IPO5: variants seen among roughly 807,000 people sequenced by gnomAD.
IPO5 encodes the protein importin 5, also known as importin-5.
IPO5 carries 18 observed loss-of-function variants against 143.3 expected under a neutral mutation model. The ratio of observed to expected loss-of-function variants is 0.13; its 90% confidence interval spans 0.09 to 0.19. IPO5 has a LOEUF of 0.19. IPO5 is among the 10% of genes least tolerant of loss of function. The pLI, the probability that IPO5 is intolerant of heterozygous loss-of-function variation, is 1.00. For synonymous variants in IPO5, 477 were observed against 465.7 expected (o/e 1.02, Z -0.31); for missense variants, 1,013 against 1,336.9 (o/e 0.76, Z 3.78).
rs370673853 is a variant in IPO5, at chr13:97,972,156, A to G, written c.-5+2326A>G. 3.2e-4 allele frequency among the ~76,000 whole-genome samples: 49 copies of G among 152,354 alleles called. No homozygotes were observed. In the East Asian group the frequency reaches 7.5e-3, roughly 23 times the overall value. On this transcript the variant is annotated intron_variant, in intron 3 of 28. Coordinates refer to ENST00000651721, the MANE Select transcript of IPO5 (RefSeq NM_002271.6). ...TACAACTACCAAGATAAGGAGTCAT[A>G]GAGACCCGAGACAACTTAAAACAAA... is the stretch of plus-strand genomic sequence containing the variant.
intron 2 of IPO5, among the ~76,000 whole-genome samples, chr13:97,961,758 A>AT (rs554865083): frequency 2.7e-4 from 41 of 152,152 alleles, no homozygotes; most frequent in African/African-American, 9.2e-4. Flanking sequence ...TGTTTTACCC[A>AT]TTTTTTTAAT....
At chr13:97,969,171 A>ATTTTTTTTTTTTTTTTTT (rs1566454683) in intron 2 of IPO5, among the ~76,000 whole-genome samples, 2 of 71,246 alleles carry the variant, frequency 2.8e-5, no homozygotes, top group African/African-American at 1.4e-4. Context: ...ATATATATAT[A>ATTTTTTTTTTTTTTTTTT]TATATTTTTT....
intron 25 of IPO5, among the ~76,000 whole-genome samples, chr13:98,017,974 C>T (rs1414378418): frequency 1.3e-5 from 2 of 151,902 alleles, no homozygotes; most frequent in Non-Finnish European, 2.9e-5. Flanking sequence ...GCTGTGTATT[C>T]GGTTTTTAAA....
chr13:98,006,396 A>G (rs747254890), intron 17 of IPO5, 48 bp downstream of exon 17: 3 of 803,940 alleles, frequency 3.7e-6, no homozygotes, highest in African/African-American at 4.7e-5. Flanking sequence ...TTTTTTTGAG[A>G]CAGAGTCTCG....
intron 13 of IPO5, 133 bp from the exon 14 acceptor site, chr13:98,002,334 T>C: frequency 1.3e-6 from 1 of 742,054 alleles, no homozygotes; most frequent in East Asian, 2.8e-5. Context: ...GTTTTTATAT[T>C]ATATATACAT....
intron 2 of IPO5, among the ~76,000 whole-genome samples, chr13:97,956,384 C>T (rs769725889): frequency 1.8e-4 from 28 of 152,098 alleles, no homozygotes; most frequent in Non-Finnish European, 3.1e-4. Context: ...TAAAAAAGTG[C>T]TTTTTTACAG....
chr13:98,000,911 T>C (rs1383135545), intron 13 of IPO5: 1 of 436,054 alleles, frequency 2.3e-6, no homozygotes, highest in Non-Finnish European at 4.1e-6. Context: ...AATCATATAC[T>C]CTTCTTTCAC....
rs1887920702 is a variant in IPO5, at chr13:97,992,938, C to G, written c.716C>G (p.Ser239Cys). 3 of 1,613,806 alleles carry G rather than the reference C, an allele frequency of 1.9e-6. No individual in the cohort carries two copies. The highest frequency in any genetic ancestry group is 2.5e-6 in the Non-Finnish European group (3 of 1,179,746). ...CAGAATGATGATTCTGTCCTAAAAT[C>G]CCTCGTTGAGATTGCAGATACTGTT... ...CYQNDDSVLKSLVEIADTVPK... is the reference protein window; with the variant it reads ...CYQNDDSVLKCLVEIADTVPK... Residue 239 changes from serine to cysteine, a missense_variant, in exon 10 of 29, where the codon TCC becomes TGC. Around this residue, in one of 2 missense-constraint regions of IPO5, gnomAD observed 328 missense variants for 342.0 expected, o/e 0.96. Transcript: ENST00000651721.
At chr13:97,973,105 T>C (rs1242310890) in intron 3 of IPO5, among the ~76,000 whole-genome samples, 2 of 145,634 alleles carry the variant, frequency 1.4e-5, no homozygotes, top group Non-Finnish European at 3.0e-5. Flanking sequence ...TGCAGTGGCA[T>C]GATACTGGCT....
At chr13:97,980,944 A>G (rs1328894078) in intron 4 of IPO5, among the ~76,000 whole-genome samples, 1 of 152,130 alleles carries the variant, frequency 6.6e-6, no homozygotes, top group Admixed American at 6.5e-5. Flanking sequence ...TTTTTATTGT[A>G]TAGTGAGATA....
rs187899902 is a variant in IPO5 at position 98,000,605 on chromosome 13, G to T, written c.1068G>T (p.Leu356=). 1 of 1,614,112 alleles carries T rather than the reference G, an allele frequency of 6.2e-7. No individual in the cohort carries two copies. Among genetic ancestry groups the T allele is most frequent in the African/African-American group, 1.3e-5 (1 of 75,048 alleles). Residue 356 remains leucine (L), a synonymous_variant, in exon 13 of 29, where the codon CTG becomes CTT. Coordinates refer to ENST00000651721, the MANE Select transcript of IPO5 (RefSeq NM_002271.6). Reference sequence around the variant, plus strand: ...GCGGACTTGGTGGAAAGCTCGTTCTGCCGATGATCAAGGAACACATTATGC... The same window carrying T: ...GCGGACTTGGTGGAAAGCTCGTTCTTCCGATGATCAAGGAACACATTATGC... ...MACGLGGKLV[L]PMIKEHIMQM...
chr13:97,993,667 A>G (rs1887983835), intron 11 of IPO5, among the ~76,000 whole-genome samples: 1 of 152,234 alleles, frequency 6.6e-6, no homozygotes, highest in Non-Finnish European at 1.5e-5. Context: ...CTTTTGTTTT[A>G]TAGACCCTCG....
intron 7 of IPO5, 128 bp downstream of exon 7, chr13:97,989,292 G>A (rs561465098): frequency 1.9e-6 from 1 of 522,256 alleles, no homozygotes; most frequent in Non-Finnish European, 3.3e-6. Context: ...CATAAGTTTT[G>A]TTTGTATTTG....
At chr13:97,974,345 C>T (rs1419843162) in intron 3 of IPO5, among the ~76,000 whole-genome samples, 2 of 148,510 alleles carry the variant, frequency 1.3e-5, no homozygotes, top group African/African-American at 5.0e-5. Flanking sequence ...CTTGCTCTAT[C>T]ACCCAGGCTG....
In IPO5 at chr13:98,009,861, AT is replaced by A; in HGVS notation, c.1801-16del. The stretch of plus-strand genomic sequence containing the variant: ...ACCCATTGTTTTTTAATCTATTTTA[AT>A]TTTAAAATTTTTCCCCAGATCTCTT... On this transcript the variant is annotated intron_variant, in intron 18 of 28. Coordinates refer to ENST00000651721, the MANE Select transcript of IPO5 (RefSeq NM_002271.6). 1 of 1,542,668 alleles carries A rather than the reference AT, an allele frequency of 6.5e-7. No individual in the cohort carries two copies. Among genetic ancestry groups the A allele is most frequent in the Non-Finnish European group, 8.8e-7 (1 of 1,141,326 alleles).
chr13:97,966,571 T>C (rs976810214), intron 2 of IPO5, among the ~76,000 whole-genome samples: 5 of 152,066 alleles, frequency 3.3e-5, no homozygotes, highest in African/African-American at 1.2e-4. Flanking sequence ...CTATAGTTTT[T>C]TTTGTTTTTG....
chr13:97,953,778 G>A (rs1884272148), intron 1 of IPO5, 62 bp downstream of exon 1: 2 of 372,586 alleles, frequency 5.4e-6, no homozygotes, highest in Non-Finnish European at 1.1e-5. Context: ...CTGCACTGAG[G>A]AACAATTTAG....
At chr13:97,986,811 G>A (rs1359372093) in intron 6 of IPO5, 1 of 152,108 alleles carries the variant, frequency 6.6e-6, no homozygotes, top group East Asian at 1.9e-4. Context: ...GCTGCAAAAA[G>A]CTTTATTTCC....
chr13:98,002,831 C>T, intron 15 of IPO5, 33 bp from the exon 16 acceptor site: 1 of 1,600,408 alleles, frequency 6.2e-7, no homozygotes, highest in Admixed American at 1.7e-5. Flanking sequence ...GTGGACATTT[C>T]AACATGTGTG....
Sources: gnomAD v4.1 joint callset for allele counts (sites outside exome capture counted in the v4.1 genomes callset) on GRCh38, gnomAD v4.1.1 for gene constraint, gnomAD v4.1.1 regional missense constraint, MANE v1.5 for transcripts, NCBI Gene and HGNC (gene_info 2026-07-23, HGNC 2026-07-21) for gene names.